Variants in ILRUN observed in about 807,000 individuals in gnomAD.
The protein encoded by ILRUN is protein ILRUN.
In ILRUN, 3 loss-of-function variants were observed where a neutral mutation model predicts 33.8. That is an observed-to-expected ratio of 0.09 (90% CI 0.04 to 0.23). ILRUN has a LOEUF of 0.23. Ranked by LOEUF, ILRUN falls within the 10% of genes least tolerant of loss-of-function variation. The pLI is 1.00. For synonymous variants in ILRUN, 124 were observed against 138.9 expected, an observed-to-expected ratio of 0.89 and a Z score of 0.75; for missense variants, 210 against 375.1, an observed-to-expected ratio of 0.56 and a Z score of 3.64.
At chr6:34,661,948 AC>A (rs1762893996) in intron 1 of ILRUN, among the ~76,000 whole-genome samples, 1 of 151,846 alleles carries the variant, frequency 6.6e-6, no homozygotes, top group Non-Finnish European at 1.5e-5. Context: ...AAACAGTGAA[AC>A]CCCGTCTCTA....
At chr6:34,683,443 T>TATATATACATATATACATATATATAC (rs1562032912) in intron 1 of ILRUN, among the ~76,000 whole-genome samples, 1 of 73,312 alleles carries the variant, frequency 1.4e-5, no homozygotes, top group African/African-American at 7.1e-5. Context: ...TATATATACA[T>TATATATACATATATACATATATATAC]ATATATATAC....
At position 34,592,860 on chromosome 6, in the gene ILRUN, G is replaced by A. The variant is rs146261367; in HGVS notation, c.862-2260C>T. Among the ~76,000 whole-genome samples the A allele has an allele frequency of 8.2e-4, 125 of 151,804 alleles. 1 individual carries two copies. The Middle Eastern group carries it at 0.02, about 25-fold the overall frequency. Reference sequence around the variant, plus strand: ...TACAATGCTCAAAGGTCTCTGTGCAGGAAAAAAAAATGCACAGCAAAAAGA... The same window carrying A: ...TACAATGCTCAAAGGTCTCTGTGCAAGAAAAAAAAATGCACAGCAAAAAGA... On this transcript the variant is annotated intron_variant, in intron 4 of 4. Coordinates refer to ENST00000374023, the MANE Select transcript of ILRUN (RefSeq NM_024294.4). This position sits in a 1 kb window ranked among gnomAD's most constrained non-coding sequence, Gnocchi z 4.0.
At chr6:34,687,123 T>C (rs1296859396) in intron 1 of ILRUN, 1 of 156,306 alleles carries the variant, frequency 6.4e-6, no homozygotes, top group African/African-American at 2.4e-5. Flanking sequence ...TCATCTTTTA[T>C]TTTATTATGA....
chr6:34,638,298 G>C (rs1762406861), intron 3 of ILRUN, among the ~76,000 whole-genome samples: 1 of 152,196 alleles, frequency 6.6e-6, no homozygotes, highest in South Asian at 2.1e-4. Flanking sequence ...CTTCAAAGAT[G>C]AAATAGCCTA....
chr6:34,607,184 G>A (rs945096152), intron 3 of ILRUN, among the ~76,000 whole-genome samples: 7 of 152,186 alleles, frequency 4.6e-5, no homozygotes, highest in Non-Finnish European at 1.0e-4. Flanking sequence ...TGATGCCAAT[G>A]CACCGTCATC....
chr6:34,657,603 A>T (rs577386434), intron 1 of ILRUN, among the ~76,000 whole-genome samples: 2 of 152,322 alleles, frequency 1.3e-5, no homozygotes, highest in African/African-American at 4.8e-5. Context: ...AGGATGACAA[A>T]GCAAATTCAT....
intron 2 of ILRUN, among the ~76,000 whole-genome samples, chr6:34,651,068 A>ACATG (rs1250207475): frequency 6.6e-6 from 1 of 152,176 alleles, no homozygotes; most frequent in African/African-American, 2.4e-5. Context: ...AAACCTGTGC[A>ACATG]CATGCATGTT....
At chr6:34,642,086 T>G (rs1489232033) in intron 3 of ILRUN, among the ~76,000 whole-genome samples, 1 of 152,228 alleles carries the variant, frequency 6.6e-6, no homozygotes, top group Non-Finnish European at 1.5e-5. Flanking sequence ...TAGTGAAGTT[T>G]GAATCCACTA....
At chr6:34,662,785 C>T (rs73413811) in intron 1 of ILRUN, among the ~76,000 whole-genome samples, 1 of 152,110 alleles carries the variant, frequency 6.6e-6, no homozygotes, top group East Asian at 1.9e-4. Context: ...ACTTAAAAAT[C>T]GGTAAGATGG....
At chr6:34,618,816 T>A (rs958385734) in intron 3 of ILRUN, among the ~76,000 whole-genome samples, 1 of 152,162 alleles carries the variant, frequency 6.6e-6, no homozygotes, top group African/African-American at 2.4e-5. Flanking sequence ...CATCAGCTGA[T>A]ACCATAAGGA....
intron 3 of ILRUN, among the ~76,000 whole-genome samples, chr6:34,641,404 T>A (rs774251474): frequency 6.6e-6 from 1 of 152,196 alleles, no homozygotes; most frequent in Non-Finnish European, 1.5e-5. Flanking sequence ...CAATAATAAT[T>A]TGGATTCAAT....
intron 1 of ILRUN, among the ~76,000 whole-genome samples, chr6:34,686,269 G>A (rs747042526): frequency 1.3e-5 from 2 of 152,244 alleles, no homozygotes; most frequent in African/African-American, 2.4e-5. Flanking sequence ...GGGAGGCTGA[G>A]GTGGGCGGAT....
rs71538256 is a variant in ILRUN, at chr6:34,693,672, A to ATT, written c.158+2772_158+2773dup. Among the ~76,000 whole-genome samples, 12 of 145,120 alleles carry ATT rather than the reference A, an allele frequency of 8.3e-5. No homozygotes were observed. The South Asian group carries it at 1.1e-3, about 13-fold the overall frequency. On this transcript the variant is annotated intron_variant, in intron 1 of 4. Transcript: ENST00000374023. ...TCAAATAGAAGTTTTATTTTATTTT[A>ATT]TTTTTTTTTTTTGAGACGGAGTCTC...
intron 3 of ILRUN, among the ~76,000 whole-genome samples, chr6:34,634,877 G>GAA (rs112546638): frequency 6.6e-6 from 1 of 151,740 alleles, no homozygotes; most frequent in African/African-American, 2.4e-5. Context: ...ATTTCTTACA[G>GAA]AAAAAAAATG....
Position 34,654,674 on chromosome 6 carries a change from T to C in ILRUN, c.264A>G (p.Ser88=), listed in dbSNP as rs201149480. The C allele has an allele frequency of 6.2e-7, 1 of 1,614,030 alleles. No individual in the cohort carries two copies. Among genetic ancestry groups the C allele is most frequent in the Non-Finnish European group, 8.5e-7 (1 of 1,179,986 alleles). ...VEDVTIGEGE[S]IPPDTQFVKT... ...TTACAAACTGAGTATCCGGAGGTAT[T>C]GACTCCCCTTCTCCTATGGTGACAT... Residue 88 remains serine, a synonymous_variant, in exon 2 of 5, where the codon TCA becomes TCG. Transcript: ENST00000374023.
At chr6:34,689,688 A>G (rs745991488) in intron 1 of ILRUN, among the ~76,000 whole-genome samples, 61 of 152,114 alleles carry the variant, frequency 4.0e-4, no homozygotes, top group Admixed American at 6.6e-4. Flanking sequence ...CAAAGAAGGT[A>G]ATACGTGATC....
At chr6:34,591,452 G>A (rs923580663) in intron 4 of ILRUN, among the ~76,000 whole-genome samples, 6 of 151,844 alleles carry the variant, frequency 4.0e-5, no homozygotes, top group Middle Eastern at 6.4e-3. Flanking sequence ...TCCTGATTAC[G>A]CCACTGCACC....
intron 1 of ILRUN, among the ~76,000 whole-genome samples, chr6:34,681,895 C>G (rs991270172): frequency 1.5e-5 from 2 of 136,880 alleles, no homozygotes; most frequent in Non-Finnish European, 3.0e-5. Context: ...CTCTGTCTTC[C>G]AGGCTGGAGT....
chr6:34,672,280 G>T (rs140384061), intron 1 of ILRUN, among the ~76,000 whole-genome samples: 7 of 152,198 alleles, frequency 4.6e-5, no homozygotes, highest in Middle Eastern at 6.8e-3. Context: ...TTTTAGTAGA[G>T]ATGGGGGTTT....
Sources: gnomAD v4.1 joint callset for allele counts (sites outside exome capture counted in the v4.1 genomes callset) on GRCh38, gnomAD v4.1.1 for gene constraint, Gnocchi (gnomAD v3.1) non-coding constraint, MANE v1.5 for transcripts, NCBI Gene and HGNC (gene_info 2026-07-23, HGNC 2026-07-21) for gene names.